RGS6: variants seen among roughly 807,000 people sequenced by gnomAD.
RGS6 encodes regulator of G-protein signaling 6.
In RGS6, 30 loss-of-function variants were observed where a neutral mutation model predicts 78.5. That is an observed-to-expected ratio of 0.38 (90% CI 0.29 to 0.52). The LOEUF (loss-of-function observed/expected upper bound fraction) is 0.52, where lower values mean the gene tolerates loss of function less well. Among genes scored for constraint, RGS6 ranks in the 20% least tolerant of loss-of-function variants. The probability of loss-of-function intolerance (pLI) is 0.85; values close to 1 mark genes in which losing one functional copy is unlikely to be tolerated. For missense variants in RGS6, 495 were observed against 609.7 expected (o/e 0.81, Z 1.98); for synonymous variants, 206 against 206.0 (o/e 1.00, Z 0.00).
intron 2 of RGS6, among the ~76,000 whole-genome samples, chr14:72,055,201 G>C (rs920116115): frequency 6.6e-6 from 1 of 152,280 alleles, no homozygotes; most frequent in Non-Finnish European, 1.5e-5. Context: ...CTTTACAAAA[G>C]AATGGGAAAG....
intron 12 of RGS6, among the ~76,000 whole-genome samples, chr14:72,489,628 A>C (rs2096549519): frequency 1.3e-5 from 2 of 152,244 alleles, no homozygotes; most frequent in African/African-American, 4.8e-5. Flanking sequence ...GAAGAAAGCC[A>C]TGTGAAGACA....
At chr14:72,402,395 A>C in intron 3 of RGS6, among the ~76,000 whole-genome samples, 1 of 152,240 alleles carries the variant, frequency 6.6e-6, no homozygotes, top group East Asian at 1.9e-4. Context: ...ACAATGGTCT[A>C]ACTGGAAAGA....
intron 2 of RGS6, among the ~76,000 whole-genome samples, chr14:72,122,418 T>G (rs556002129): frequency 2.0e-5 from 3 of 152,120 alleles, no homozygotes; most frequent in African/African-American, 7.2e-5. Context: ...GGGTAGAAAA[T>G]GAGGTTATAT....
intron 11 of RGS6, among the ~76,000 whole-genome samples, chr14:72,477,883 G>A (rs1410902072): frequency 2.6e-5 from 4 of 152,266 alleles, no homozygotes; most frequent in Admixed American, 6.5e-5. Context: ...GGACATGGGT[G>A]TGACGTGCCT....
At chr14:72,349,084 A>G (rs931520908) in intron 2 of RGS6, among the ~76,000 whole-genome samples, 3 of 152,152 alleles carry the variant, frequency 2.0e-5, no homozygotes, top group South Asian at 2.1e-4. Context: ...GGAGAGTGGC[A>G]TGAACCTGGG....
intron 2 of RGS6, among the ~76,000 whole-genome samples, chr14:72,040,835 T>C (rs1234931426): frequency 6.6e-6 from 1 of 152,214 alleles, no homozygotes; most frequent in Non-Finnish European, 1.5e-5. Flanking sequence ...GTTTTGCTCT[T>C]GATCAAGTGT....
chr14:72,175,727 C>T (rs757844984), intron 2 of RGS6, among the ~76,000 whole-genome samples: 5 of 152,282 alleles, frequency 3.3e-5, no homozygotes, highest in South Asian at 2.1e-4. Context: ...TTGAGTGTCA[C>T]GAGACTCCTA....
chr14:71,981,631 C>T (rs1311347295), intron 2 of RGS6, among the ~76,000 whole-genome samples: 5 of 151,948 alleles, frequency 3.3e-5, no homozygotes, highest in African/African-American at 7.3e-5. Context: ...CTTGAGGAGG[C>T]AGTCTGCCCG....
At chr14:72,560,678 T>C (rs900902881) in intron 17 of RGS6, among the ~76,000 whole-genome samples, 73 of 152,190 alleles carry the variant, frequency 4.8e-4, no homozygotes, top group African/African-American at 1.6e-3. Flanking sequence ...ATAACCCTCT[T>C]GGATTTTTTA....
At chr14:72,241,032 C>G (rs528614459) in intron 2 of RGS6, among the ~76,000 whole-genome samples, 1 of 151,732 alleles carries the variant, frequency 6.6e-6, no homozygotes, top group South Asian at 2.1e-4. Flanking sequence ...TGGCATGCAC[C>G]TGTAATCCCA....
At chr14:72,017,315 C>G (rs1343899067) in intron 2 of RGS6, among the ~76,000 whole-genome samples, 10 of 152,112 alleles carry the variant, frequency 6.6e-5, no homozygotes, top group Non-Finnish European at 2.9e-5. Context: ...TCTTGCTGAA[C>G]TCATTAATTT....
At chr14:72,616,253 C>T in the RGS6 span, among the ~76,000 whole-genome samples, 1 of 152,156 alleles carries the variant, frequency 6.6e-6, no homozygotes, top group African/African-American at 2.4e-5. Flanking sequence ...GGAAAGTGAG[C>T]GTTACCCATG....
chr14:72,409,292 C>T (rs970445268), intron 3 of RGS6, among the ~76,000 whole-genome samples: 2 of 152,170 alleles, frequency 1.3e-5, no homozygotes, highest in East Asian at 1.9e-4. Flanking sequence ...TACCCAGCAG[C>T]ATGGGTAGTG....
At chr14:72,209,835 G>A (rs1053658942) in intron 2 of RGS6, among the ~76,000 whole-genome samples, 2 of 152,202 alleles carry the variant, frequency 1.3e-5, no homozygotes, top group Non-Finnish European at 2.9e-5. Context: ...GCATAAGAAT[G>A]AAGACTGTAG....
At chr14:72,073,973 C>T (rs1449470975) in intron 2 of RGS6, among the ~76,000 whole-genome samples, 1 of 152,072 alleles carries the variant, frequency 6.6e-6, no homozygotes, top group East Asian at 1.9e-4. Flanking sequence ...GTTTTCTTGG[C>T]TTTGTTTAAT....
chr14:72,001,865 A>C (rs1043741912), intron 2 of RGS6, among the ~76,000 whole-genome samples: 2 of 133,160 alleles, frequency 1.5e-5, no homozygotes, highest in Non-Finnish European at 3.3e-5. Context: ...GCAGAACTTT[A>C]GTCTTTGAAG....
At chr14:72,367,013 A>G (rs1414159815) in intron 3 of RGS6, among the ~76,000 whole-genome samples, 1 of 152,202 alleles carries the variant, frequency 6.6e-6, no homozygotes, top group African/African-American at 2.4e-5. Flanking sequence ...AGATGCATCT[A>G]GTCTCACTTA....
chr14:72,416,626 G>C (rs532379533), intron 3 of RGS6, among the ~76,000 whole-genome samples: 2 of 152,218 alleles, frequency 1.3e-5, no homozygotes, highest in Non-Finnish European at 2.9e-5. Flanking sequence ...GGAAGTAGCA[G>C]TAGACACCTG....
intron 3 of RGS6, among the ~76,000 whole-genome samples, chr14:72,384,099 A>T (rs1052791535): frequency 6.6e-6 from 1 of 152,206 alleles, no homozygotes; most frequent in Non-Finnish European, 1.5e-5. Context: ...TCGTATAATA[A>T]GTGCCTAACA....
Sources: gnomAD v4.1 joint callset for allele counts (sites outside exome capture counted in the v4.1 genomes callset) on GRCh38, gnomAD v4.1.1 for gene constraint, MANE v1.5 for transcripts, NCBI Gene and HGNC (gene_info 2026-07-23, HGNC 2026-07-21) for gene names.